The following RAP1A variants were observed in gnomAD, a reference collection of about 807,000 sequenced individuals.
RAP1A encodes ras-related protein Rap-1A.
A neutral mutation model predicts 26.4 loss-of-function variants in RAP1A; 6 were observed. The observed-to-expected ratio is 0.23, with a 90% confidence interval of 0.12 to 0.45. The LOEUF (loss-of-function observed/expected upper bound fraction) is 0.45. RAP1A is among the 20% of genes least tolerant of loss of function. The pLI is 0.99. For missense variants in RAP1A, 121 were observed against 217.2 expected, an observed-to-expected ratio of 0.56 and a Z score of 2.78; for synonymous variants, 73 against 79.4, an observed-to-expected ratio of 0.92 and a Z score of 0.43.
upstream of RAP1A, among the ~76,000 whole-genome samples, chr1:111,615,664 C>T (rs1288122899): frequency 6.6e-6 from 1 of 151,868 alleles, no homozygotes; most frequent in Non-Finnish European, 1.5e-5. Context: ...AACCCCGCCT[C>T]TACTAAAAAT....
chr1:111,709,767 A>AAT (rs1179171981), intron 7 of RAP1A, among the ~76,000 whole-genome samples: 6 of 152,200 alleles, frequency 3.9e-5, no homozygotes, highest in African/African-American at 7.2e-5. Context: ...ACAAAAACGT[A>AAT]GTGTATTTCC....
At chr1:111,591,993 C>G (rs1658481185) in intron 1 of RAP1A, among the ~76,000 whole-genome samples, 1 of 152,190 alleles carries the variant, frequency 6.6e-6, no homozygotes. Flanking sequence ...TGGACTCTAT[C>G]CCACGCCCCA....
At chr1:111,590,462 A>C (rs1017728291) in intron 1 of RAP1A, among the ~76,000 whole-genome samples, 1 of 152,170 alleles carries the variant, frequency 6.6e-6, no homozygotes, top group African/African-American at 2.4e-5. Context: ...TCCCTCTGTA[A>C]TGATTAGCTA....
At chr1:111,652,229 C>G (rs1660298012) in intron 1 of RAP1A, among the ~76,000 whole-genome samples, 2 of 152,212 alleles carry the variant, frequency 1.3e-5, no homozygotes, top group Admixed American at 6.5e-5. Flanking sequence ...CCACCTTAGC[C>G]TCGCAAAGTG....
intron 1 of RAP1A, among the ~76,000 whole-genome samples, chr1:111,628,400 AT>A (rs1391238369): frequency 2.0e-5 from 3 of 152,178 alleles, no homozygotes; most frequent in Non-Finnish European, 4.4e-5. Flanking sequence ...CAGGTGATTA[AT>A]TTGACAGAAG....
chr1:111,556,744 A>G (rs762988232), intron 1 of RAP1A, among the ~76,000 whole-genome samples: 149 of 152,170 alleles, frequency 9.8e-4, no homozygotes, highest in Admixed American at 8.4e-3. Context: ...GGGAGGGAGG[A>G]GTGGATAGTT....
At chr1:111,674,961 G>A (rs188465049) in intron 1 of RAP1A, among the ~76,000 whole-genome samples, 3 of 152,066 alleles carry the variant, frequency 2.0e-5, no homozygotes, top group East Asian at 3.9e-4. Flanking sequence ...CATATTAATT[G>A]TTTTTAAATC....
intron 1 of RAP1A, among the ~76,000 whole-genome samples, chr1:111,591,469 T>C (rs970489544): frequency 2.0e-5 from 3 of 152,236 alleles, no homozygotes; most frequent in African/African-American, 7.2e-5. Flanking sequence ...TTAAAGCTTT[T>C]GTAAATTTCT....
intron 1 of RAP1A, among the ~76,000 whole-genome samples, chr1:111,624,637 T>C (rs1202581842): frequency 6.6e-6 from 1 of 152,178 alleles, no homozygotes; most frequent in Non-Finnish European, 1.5e-5. Context: ...CATTTCTGCT[T>C]GAAAATAAGC....
chr1:111,699,794 A>G (rs148435556), intron 4 of RAP1A, among the ~76,000 whole-genome samples: 31 of 152,022 alleles, frequency 2.0e-4, no homozygotes, highest in African/African-American at 7.0e-4. Context: ...GTGCCCTTCA[A>G]CTTCGTTACA....
intron 6 of RAP1A, among the ~76,000 whole-genome samples, chr1:111,707,750 A>G (rs571024430): frequency 3.9e-5 from 6 of 152,326 alleles, no homozygotes; most frequent in African/African-American, 1.2e-4. Flanking sequence ...AGCAAAGCTT[A>G]TCTGTTTCAT....
At chr1:111,668,068 G>A (rs1276731351) in intron 1 of RAP1A, among the ~76,000 whole-genome samples, 1 of 152,216 alleles carries the variant, frequency 6.6e-6, no homozygotes, top group Non-Finnish European at 1.5e-5. Context: ...AGTTGAAGTG[G>A]TGGTGCAGGT....
At chr1:111,709,394 A>C in intron 7 of RAP1A, 130 bp downstream of exon 7, 3 of 1,036,750 alleles carry the variant, frequency 2.9e-6, no homozygotes, top group South Asian at 2.4e-5. Context: ...GTGATATATA[A>C]CTTGTAGGTA....
chr1:111,654,768 T>C (rs1222788771), intron 1 of RAP1A, among the ~76,000 whole-genome samples: 1 of 150,690 alleles, frequency 6.6e-6, no homozygotes, highest in African/African-American at 2.5e-5. Flanking sequence ...ATATAGGTGA[T>C]CTGAATCTAA....
intron 1 of RAP1A, among the ~76,000 whole-genome samples, chr1:111,682,594 A>G (rs963096259): frequency 6.6e-6 from 1 of 152,182 alleles, no homozygotes; most frequent in Non-Finnish European, 1.5e-5. Context: ...GTGGCATTAC[A>G]TAATGATAAA....
intron 1 of RAP1A, among the ~76,000 whole-genome samples, chr1:111,565,124 C>A (rs1019065300): frequency 1.4e-4 from 21 of 152,100 alleles, no homozygotes; most frequent in Admixed American, 1.2e-3. Flanking sequence ...GCACAGAGAA[C>A]ATAATGCAAA....
Position 111,622,805 on chromosome 1 carries a change from C to G in RAP1A, c.-28+2871C>G, listed in dbSNP as rs557993435. ...ACTACAGGATGCTAATTGTTGGATACAGAGATGAATTAGACAGGGTCTCTG... is the reference window on the plus strand; with the variant it reads ...ACTACAGGATGCTAATTGTTGGATAGAGAGATGAATTAGACAGGGTCTCTG... On this transcript the variant is annotated intron_variant, in intron 1 of 7. Coordinates refer to ENST00000369709, the MANE Select transcript of RAP1A (RefSeq NM_002884.4). 3.9e-5 allele frequency among the ~76,000 whole-genome samples: 6 copies of G among 152,270 alleles called. No homozygotes were observed. In the East Asian group the frequency reaches 1.2e-3, roughly 29 times the overall value.
rs189500950 is a variant in RAP1A, at chr1:111,639,035, A to G, written c.-28+19101A>G. On this transcript the variant is annotated intron_variant, in intron 1 of 7. Transcript: ENST00000369709. ...GAGCTTTCTGGGAATACTTGGAACCATAACATTTCTGTCAAATATGCCTTT... is the reference window on the plus strand; with the variant it reads ...GAGCTTTCTGGGAATACTTGGAACCGTAACATTTCTGTCAAATATGCCTTT... 3.3e-5 allele frequency among the ~76,000 whole-genome samples: 5 copies of G among 152,320 alleles called. No individual in the cohort carries two copies. In the East Asian group the frequency reaches 9.6e-4, roughly 29 times the overall value.
intron 1 of RAP1A, among the ~76,000 whole-genome samples, chr1:111,674,207 G>A (rs377603620): frequency 6.6e-6 from 1 of 152,134 alleles, no homozygotes; most frequent in Non-Finnish European, 1.5e-5. Context: ...GACTGGAAAG[G>A]GGGTAGGGAT....
Sources: allele counts gnomAD v4.1 joint callset (sites outside exome capture counted in the v4.1 genomes callset), GRCh38; gene constraint gnomAD v4.1.1; transcripts MANE v1.5; gene names NCBI Gene and HGNC (gene_info 2026-07-23, HGNC 2026-07-21).